ADGRG2: variants seen among roughly 807,000 people sequenced by gnomAD.
ADGRG2 encodes the protein adhesion G protein-coupled receptor G2, also known as G protein-coupled receptor 64.
ADGRG2 carries 26 observed loss-of-function variants against 74.1 expected under a neutral mutation model. That is an observed-to-expected ratio of 0.35 (90% CI 0.26 to 0.49). The LOEUF is 0.49. Among genes scored for constraint, ADGRG2 ranks in the 20% least tolerant of loss-of-function variants. The pLI, the probability that ADGRG2 is intolerant of heterozygous loss-of-function variation, is 0.99. For synonymous variants in ADGRG2, 296 were observed against 295.2 expected (o/e 1.00, Z -0.03); for missense variants, 619 against 763.1 (o/e 0.81, Z 2.22).
intron 1 of ADGRG2, among the ~76,000 whole-genome samples, chrX:19,103,647 C>T (rs1455896792): frequency 9.0e-6 from 1 of 111,426 alleles, no homozygotes; most frequent in Non-Finnish European, 1.9e-5. Context: ...GATGTTTTAA[C>T]ATTAAAGCTA....
chrX:19,046,774 G>A (rs1237605084), intron 3 of ADGRG2, among the ~76,000 whole-genome samples: 2 of 111,701 alleles, frequency 1.8e-5, no homozygotes, highest in Non-Finnish European at 3.8e-5. Context: ...ATGTTGGAAG[G>A]GGTCTGTCCA....
intron 1 of ADGRG2, among the ~76,000 whole-genome samples, chrX:19,096,787 T>A (rs780192330): frequency 8.9e-5 from 10 of 112,538 alleles, no homozygotes; most frequent in Non-Finnish European, 1.9e-4. Flanking sequence ...ATACCTGGGA[T>A]TCTTTACCCA....
At chrX:19,020,778 A>G (rs780147199) in intron 14 of ADGRG2, among the ~76,000 whole-genome samples, 1 of 110,905 alleles carries the variant, frequency 9.0e-6, no homozygotes, top group East Asian at 2.8e-4. Context: ...CCTGGGAAAC[A>G]TAAGGAGACT....
upstream of ADGRG2, among the ~76,000 whole-genome samples, chrX:19,122,932 C>T (rs965620298): frequency 8.9e-6 from 1 of 112,405 alleles, no homozygotes; most frequent in East Asian, 2.8e-4. Context: ...ACCCATATGC[C>T]CGTTTCAGTG....
intron 1 of ADGRG2, among the ~76,000 whole-genome samples, chrX:19,096,693 T>C (rs1387021657): frequency 8.9e-6 from 1 of 111,958 alleles, no homozygotes; most frequent in African/African-American, 3.2e-5. Flanking sequence ...GTATTTTCAG[T>C]GAGTCATGAT....
chrX:19,037,921 A>G (rs1427929573), intron 4 of ADGRG2, among the ~76,000 whole-genome samples: 1 of 112,183 alleles, frequency 8.9e-6, no homozygotes, highest in Non-Finnish European at 1.9e-5. Flanking sequence ...AGACCAAAAT[A>G]CAAGAAATAC....
Position 19,048,450 on chromosome X carries a change from T to A in ADGRG2, c.119-8226A>T, listed in dbSNP as rs182767286. 2.7e-3 allele frequency among the ~76,000 whole-genome samples: 304 copies of A among 111,726 alleles called. 1 individual carries two copies. Among genetic ancestry groups the A allele is most frequent in the African/African-American group, 9.4e-3 (288 of 30,723 alleles). ...GGAGGAAAAGAGCAGTCAAGTAACT[T>A]GCCCAAGATTACATGTAAAAGGGCA... On this transcript the variant is annotated intron_variant, in intron 3 of 28. Coordinates refer to ENST00000379869, the MANE Select transcript of ADGRG2 (RefSeq NM_001079858.3).
At chrX:19,089,079 A>AAGTT (rs989469068) in intron 1 of ADGRG2, among the ~76,000 whole-genome samples, 2 of 112,330 alleles carry the variant, frequency 1.8e-5, no homozygotes, top group African/African-American at 6.5e-5. Context: ...AATGATTAAG[A>AAGTT]AGTTACATTA....
At chrX:19,071,111 A>G (rs754011519) in intron 2 of ADGRG2, among the ~76,000 whole-genome samples, 2 of 111,623 alleles carry the variant, frequency 1.8e-5, no homozygotes, top group East Asian at 2.8e-4. Flanking sequence ...GTCTCAAGGT[A>G]AAGCTGGCAA....
At position 19,037,699 on chromosome X, in the gene ADGRG2, T is replaced by A. The variant is rs746339031; in HGVS notation, c.155-63A>T. 47 of 824,660 alleles carry A rather than the reference T, an allele frequency of 5.7e-5. No homozygotes were observed. The East Asian group carries it at 1.6e-3, about 28-fold the overall frequency. The allele number at this position is 824,660 out of a possible 1,213,427, so 68.0% of individuals were successfully genotyped here. ...CGATTATTTGTCAAATTTTAAAGAA[T>A]TAAAACTTTTGAGATATAATTACGA... is the stretch of plus-strand genomic sequence containing the variant. On this transcript the variant is annotated intron_variant, in intron 4 of 28. Coordinates refer to ENST00000379869, the MANE Select transcript of ADGRG2 (RefSeq NM_001079858.3).
At chrX:19,037,969 C>T (rs2060977715) in intron 4 of ADGRG2, among the ~76,000 whole-genome samples, 1 of 112,142 alleles carries the variant, frequency 8.9e-6, no homozygotes, top group Non-Finnish European at 1.9e-5. Flanking sequence ...TTCTAGAAAA[C>T]ATTTTAAATA....
intron 3 of ADGRG2, among the ~76,000 whole-genome samples, chrX:19,041,055 T>C (rs984342578): frequency 9.0e-6 from 1 of 111,253 alleles, no homozygotes; most frequent in Non-Finnish European, 1.9e-5. Context: ...TGTATAAGGA[T>C]TATATCACAC....
intron 3 of ADGRG2, among the ~76,000 whole-genome samples, chrX:19,068,284 T>A (rs924666143): frequency 7.1e-5 from 8 of 112,244 alleles, no homozygotes; most frequent in Non-Finnish European, 1.5e-4. Context: ...ACATTAGCTG[T>A]TAAAAAGAAT....
chrX:19,115,296 A>G (rs1200541482), intron 1 of ADGRG2, among the ~76,000 whole-genome samples: 3 of 111,769 alleles, frequency 2.7e-5, no homozygotes, highest in East Asian at 5.6e-4. Flanking sequence ...TCCTGACAAC[A>G]CAATGATGAG....
intron 20 of ADGRG2, among the ~76,000 whole-genome samples, 169 bp from the exon 21 acceptor site, chrX:19,006,434 A>G (rs1162765865): frequency 9.0e-6 from 1 of 111,174 alleles, no homozygotes; most frequent in Non-Finnish European, 1.9e-5. Context: ...AGAAGCAAGT[A>G]AGCCCTAAAT....
chrX:18,998,536 C>A (rs1167859762), intron 26 of ADGRG2, among the ~76,000 whole-genome samples: 4 of 107,486 alleles, frequency 3.7e-5, no homozygotes, highest in Non-Finnish European at 7.7e-5. Flanking sequence ...ATGAAAATAT[C>A]ATAAGCCACT....
At chrX:19,062,672 A>G (rs1324668947) in intron 3 of ADGRG2, among the ~76,000 whole-genome samples, 3 of 111,466 alleles carry the variant, frequency 2.7e-5, no homozygotes, top group Non-Finnish European at 5.6e-5. Flanking sequence ...CATTTCCTGC[A>G]GCTCTACCGA....
chrX:19,028,076 A>G, intron 10 of ADGRG2, 107 bp downstream of exon 10: 1 of 510,625 alleles, frequency 2.0e-6, no homozygotes, highest in African/African-American at 2.4e-5. Flanking sequence ...TTTGGTCATA[A>G]CAATAAATAT....
chrX:19,016,015 C>T (rs906705481), intron 15 of ADGRG2, among the ~76,000 whole-genome samples: 24 of 112,238 alleles, frequency 2.1e-4, no homozygotes, highest in African/African-American at 5.5e-4. Flanking sequence ...CACAGGGAAG[C>T]GGCAGAGCAG....
Sources: allele counts gnomAD v4.1 joint callset (sites outside exome capture counted in the v4.1 genomes callset), GRCh38; gene constraint gnomAD v4.1.1; transcripts MANE v1.5; gene names NCBI Gene and HGNC (gene_info 2026-07-23, HGNC 2026-07-21).